The following MAGI2 variants were observed in gnomAD, a reference collection of about 807,000 sequenced individuals.
The protein encoded by MAGI2 is membrane associated guanylate kinase, WW and PDZ domain containing 2, also known as membrane-associated guanylate kinase, WW and PDZ domain-containing protein 2.
Under a neutral mutation model 133.3 loss-of-function variants are expected in MAGI2, and 35 were observed. The observed-to-expected ratio is 0.26, with a 90% confidence interval of 0.20 to 0.35. MAGI2 has a LOEUF of 0.35. Ranked by LOEUF, MAGI2 falls within the 10% of genes least tolerant of loss-of-function variation. MAGI2 has a pLI of 1.00. For missense variants in MAGI2, 1,636 were observed against 1,863.4 expected (o/e 0.88, Z 2.25); for synonymous variants, 729 against 710.6 (o/e 1.03, Z -0.41).
intron 6 of MAGI2, among the ~76,000 whole-genome samples, chr7:78,419,212 G>A (rs1048261487): frequency 6.6e-6 from 1 of 152,070 alleles, no homozygotes; most frequent in Admixed American, 6.6e-5. Flanking sequence ...GTTCTCATAA[G>A]GATAGGATCT....
chr7:78,570,052 G>A (rs1003092145), intron 3 of MAGI2, among the ~76,000 whole-genome samples: 2 of 151,956 alleles, frequency 1.3e-5, no homozygotes, highest in East Asian at 3.9e-4. Context: ...ATGGATATTT[G>A]GCTTATTTTC....
chr7:78,134,998 G>T, intron 17 of MAGI2, 23 bp downstream of exon 17: 1 of 1,608,336 alleles, frequency 6.2e-7, no homozygotes, highest in Non-Finnish European at 8.5e-7. Context: ...CCGCCTCTCT[G>T]CAAGGCTGCC....
chr7:79,232,525 A>G (rs1300741560), intron 1 of MAGI2, among the ~76,000 whole-genome samples: 9 of 129,838 alleles, frequency 6.9e-5, no homozygotes, highest in African/African-American at 1.8e-4. Context: ...GTCTTGGGAG[A>G]GTGTATGTGT....
intron 1 of MAGI2, among the ~76,000 whole-genome samples, chr7:79,121,081 GC>G (rs908931624): frequency 4.6e-5 from 7 of 152,020 alleles, no homozygotes; most frequent in Admixed American, 2.6e-4. Context: ...TATAACTTTT[GC>G]TTTTAATGTC....
intron 1 of MAGI2, among the ~76,000 whole-genome samples, chr7:79,329,706 A>G (rs963621874): frequency 6.6e-6 from 1 of 152,232 alleles, no homozygotes; most frequent in African/African-American, 2.4e-5. Flanking sequence ...GGCTCCATGG[A>G]GACATGTGCT....
chr7:78,284,801 A>G (rs1795980824), intron 9 of MAGI2, among the ~76,000 whole-genome samples: 1 of 152,190 alleles, frequency 6.6e-6, no homozygotes, highest in South Asian at 2.1e-4. Flanking sequence ...CCTTGATTAT[A>G]TGGTAGGAGA....
At chr7:78,854,723 G>T (rs182114905) in intron 2 of MAGI2, among the ~76,000 whole-genome samples, 181 of 151,650 alleles carry the variant, frequency 1.2e-3, no homozygotes, top group African/African-American at 4.3e-3. Flanking sequence ...GTAATGCTTG[G>T]CATAGTTGTG....
chr7:78,104,941 T>C (rs1818534384), intron 20 of MAGI2, among the ~76,000 whole-genome samples: 1 of 151,688 alleles, frequency 6.6e-6, no homozygotes, highest in Non-Finnish European at 1.5e-5. Context: ...GCCCATGCAA[T>C]CACTAACCGC....
At chr7:78,035,428 T>A (rs1810104528) in intron 21 of MAGI2, among the ~76,000 whole-genome samples, 1 of 141,536 alleles carries the variant, frequency 7.1e-6, no homozygotes. Flanking sequence ...GGTGATGCCA[T>A]AGCGGAGATT....
At chr7:78,071,606 T>A (rs981907965) in intron 21 of MAGI2, among the ~76,000 whole-genome samples, 1 of 152,200 alleles carries the variant, frequency 6.6e-6, no homozygotes, top group Non-Finnish European at 1.5e-5. Context: ...CTGCAGTTTT[T>A]ATGGTTAGCG....
At chr7:78,646,053 T>C (rs1810860014) in intron 2 of MAGI2, among the ~76,000 whole-genome samples, 2 of 152,168 alleles carry the variant, frequency 1.3e-5, no homozygotes, top group African/African-American at 4.8e-5. Flanking sequence ...AAAAGTATTT[T>C]TAAAATGTAT....
At chr7:78,334,323 G>A (rs1789531265) in intron 9 of MAGI2, among the ~76,000 whole-genome samples, 1 of 151,564 alleles carries the variant, frequency 6.6e-6, no homozygotes, top group African/African-American at 2.4e-5. Context: ...ATGGACCTCA[G>A]GTTAATCCTC....
At chr7:79,139,118 G>C (rs1029305344) in intron 1 of MAGI2, among the ~76,000 whole-genome samples, 3 of 152,014 alleles carry the variant, frequency 2.0e-5, no homozygotes, top group Admixed American at 2.0e-4. Context: ...CCTCCTGACA[G>C]CTTGATCTTG....
At chr7:79,322,179 T>C (rs1001167812) in intron 1 of MAGI2, among the ~76,000 whole-genome samples, 21 of 152,266 alleles carry the variant, frequency 1.4e-4, no homozygotes, top group Middle Eastern at 3.4e-3. Context: ...ACAAGGACCT[T>C]TGAGATCACT....
chr7:78,550,622 C>G (rs566477442), intron 3 of MAGI2, among the ~76,000 whole-genome samples: 1 of 152,180 alleles, frequency 6.6e-6, no homozygotes. Flanking sequence ...TTCTGCATAA[C>G]TCCACTGGAC....
chr7:78,592,945 C>A (rs528540734), intron 3 of MAGI2, among the ~76,000 whole-genome samples: 1 of 148,088 alleles, frequency 6.8e-6, no homozygotes, highest in Non-Finnish European at 1.5e-5. Flanking sequence ...AGCAATTCTG[C>A]AGCCTCAGCC....
chr7:78,501,510 C>A (rs1794625108), intron 5 of MAGI2, 67 bp downstream of exon 5: 248 of 961,744 alleles, frequency 2.6e-4, no homozygotes, highest in Middle Eastern at 4.7e-4. Context: ...CCACGTCTAA[C>A]TTGCTACATC....
intron 1 of MAGI2, among the ~76,000 whole-genome samples, chr7:79,251,987 T>A (rs1833315011): frequency 6.6e-6 from 1 of 151,810 alleles, no homozygotes; most frequent in South Asian, 2.1e-4. Flanking sequence ...CAAAACCTCA[T>A]CTTTACTAAA....
intron 1 of MAGI2, among the ~76,000 whole-genome samples, chr7:79,304,617 C>A (rs1837643690): frequency 6.6e-6 from 1 of 152,152 alleles, no homozygotes. Context: ...GAGCCCAGCT[C>A]TTCCGTTCTG....
Sources: gnomAD v4.1 joint callset for allele counts (sites outside exome capture counted in the v4.1 genomes callset) on GRCh38, gnomAD v4.1.1 for gene constraint, MANE v1.5 for transcripts, NCBI Gene and HGNC (gene_info 2026-07-23, HGNC 2026-07-21) for gene names.